Variants in ROR1 observed in about 807,000 individuals in gnomAD.
ROR1 encodes inactive tyrosine-protein kinase transmembrane receptor ROR1.
In ROR1, 19 loss-of-function variants were observed where a neutral mutation model predicts 78.8. The observed-to-expected ratio is 0.24, with a 90% CI of 0.17 to 0.35. The LOEUF (loss-of-function observed/expected upper bound fraction) is 0.35, where lower values mean the gene tolerates loss of function less well. Ranked by LOEUF, ROR1 falls within the 10% of genes least tolerant of loss-of-function variation. The pLI is 1.00. For missense variants in ROR1, 917 were observed against 1,177.8 expected (o/e 0.78, Z 3.24); for synonymous variants, 386 against 433.6 (o/e 0.89, Z 1.36).
At chr1:63,919,481 G>T (rs1158813489) in intron 1 of ROR1, among the ~76,000 whole-genome samples, 1 of 130,046 alleles carries the variant, frequency 7.7e-6, no homozygotes, top group Non-Finnish European at 1.6e-5. Context: ...AGTGTTCATT[G>T]AATTGGCTTT....
chr1:64,033,844 G>C (rs148046213), intron 2 of ROR1, among the ~76,000 whole-genome samples: 2 of 152,206 alleles, frequency 1.3e-5, no homozygotes, highest in Admixed American at 1.3e-4. Flanking sequence ...CCGTGTAACA[G>C]TCTGAAGCAA....
At chr1:63,821,124 C>T (rs930619270) in intron 1 of ROR1, among the ~76,000 whole-genome samples, 7 of 152,112 alleles carry the variant, frequency 4.6e-5, no homozygotes, top group African/African-American at 1.2e-4. Context: ...CTAGAACTAC[C>T]GTGAATTAAG....
At chr1:64,115,312 C>T (rs1419951084) in intron 4 of ROR1, among the ~76,000 whole-genome samples, 2 of 152,112 alleles carry the variant, frequency 1.3e-5, no homozygotes, top group South Asian at 2.1e-4. Context: ...AACTCCTGAG[C>T]TCAAGGGATC....
At chr1:64,097,804 T>C (rs1160737010) in intron 4 of ROR1, among the ~76,000 whole-genome samples, 2 of 152,120 alleles carry the variant, frequency 1.3e-5, no homozygotes, top group African/African-American at 2.4e-5. Context: ...AGCTGTCATG[T>C]TCCTCAAGCT....
At chr1:63,936,232 A>G (rs748299319) in intron 1 of ROR1, among the ~76,000 whole-genome samples, 10 of 152,198 alleles carry the variant, frequency 6.6e-5, no homozygotes, top group African/African-American at 1.2e-4. Context: ...AAGAAGATCT[A>G]TTGGTTCCAA....
intron 1 of ROR1, among the ~76,000 whole-genome samples, chr1:63,980,475 C>G (rs1457821761): frequency 2.0e-5 from 3 of 152,140 alleles, no homozygotes; most frequent in South Asian, 4.1e-4. Flanking sequence ...AAGAAATTCT[C>G]CAAACATCCT....
chr1:64,044,441 T>A (rs1646768564), intron 2 of ROR1, among the ~76,000 whole-genome samples: 1 of 152,068 alleles, frequency 6.6e-6, no homozygotes, highest in African/African-American at 2.4e-5. Flanking sequence ...ACCAAACTAG[T>A]GGTCACTGTA....
rs988949033 is a variant in ROR1, at chr1:64,143,438, A to G, written c.1174+788A>G. ...ATTTTGGAACTAATTCATCTTCCTG[A>G]TCCTAGTTCTCATAGATATCATAGA... On this transcript the variant is annotated intron_variant, in intron 7 of 8. Coordinates refer to ENST00000371079, the MANE Select transcript of ROR1 (RefSeq NM_005012.4). 1.9e-5 allele frequency: 19 copies of G among 977,198 alleles called. No individual in the cohort carries two copies. The African/African-American group carries it at 3.3e-4, about 17-fold the overall frequency. 60.5% of individuals were successfully genotyped at this position (977,198 alleles called of 1,614,324 possible).
intron 1 of ROR1, among the ~76,000 whole-genome samples, chr1:63,883,475 T>A (rs530088646): frequency 6.6e-6 from 1 of 152,216 alleles, no homozygotes; most frequent in Admixed American, 6.5e-5. Flanking sequence ...AGACACCCCA[T>A]AAAATATTTG....
chr1:63,877,166 T>C (rs1645292480), intron 1 of ROR1, among the ~76,000 whole-genome samples: 1 of 152,162 alleles, frequency 6.6e-6, no homozygotes, highest in Non-Finnish European at 1.5e-5. Context: ...GTTTTGTTCA[T>C]ATTCAGCTAC....
At chr1:64,153,237 C>A (rs985207564) in intron 7 of ROR1, among the ~76,000 whole-genome samples, 5 of 152,058 alleles carry the variant, frequency 3.3e-5, no homozygotes, top group Admixed American at 2.6e-4. Context: ...ATTTCACACC[C>A]ATTAGAATGC....
At chr1:64,140,577 G>A (rs989632199) in intron 6 of ROR1, 151 bp downstream of exon 6, 9 of 653,978 alleles carry the variant, frequency 1.4e-5, no homozygotes, top group East Asian at 5.5e-5. Flanking sequence ...ATTCAGTGGT[G>A]GATTAGACAT....
intron 1 of ROR1, among the ~76,000 whole-genome samples, chr1:63,868,500 T>G (rs1276697308): frequency 6.6e-6 from 1 of 152,212 alleles, no homozygotes; most frequent in Non-Finnish European, 1.5e-5. Flanking sequence ...TGAGCACATT[T>G]GGCTTTGGGC....
chr1:64,027,670 G>A (rs908587714), intron 2 of ROR1, among the ~76,000 whole-genome samples: 1 of 151,242 alleles, frequency 6.6e-6, no homozygotes, highest in Non-Finnish European at 1.5e-5. Flanking sequence ...CCAACTTTGT[G>A]TATGATATTA....
chr1:63,789,915 A>C (rs1644715576), intron 1 of ROR1, among the ~76,000 whole-genome samples: 1 of 152,050 alleles, frequency 6.6e-6, no homozygotes, highest in African/African-American at 2.4e-5. Flanking sequence ...GGCCCTCCCA[A>C]GCTGTCTACA....
At chr1:63,876,638 C>A (rs141209860) in intron 1 of ROR1, among the ~76,000 whole-genome samples, 2 of 143,794 alleles carry the variant, frequency 1.4e-5, no homozygotes, top group African/African-American at 5.3e-5. Context: ...TGTGTTTCCA[C>A]GAAAGGGGTG....
chr1:63,937,518 A>G (rs1306315581), intron 1 of ROR1, among the ~76,000 whole-genome samples: 1 of 152,030 alleles, frequency 6.6e-6, no homozygotes. Flanking sequence ...TTTTTTAATT[A>G]TATGGCTGAA....
intron 7 of ROR1, among the ~76,000 whole-genome samples, chr1:64,148,344 T>C (rs1371263533): frequency 6.6e-6 from 1 of 152,196 alleles, no homozygotes; most frequent in African/African-American, 2.4e-5. Flanking sequence ...TGTTTTTGTG[T>C]GTGTAAACAG....
intron 4 of ROR1, among the ~76,000 whole-genome samples, chr1:64,120,548 A>G (rs1648492786): frequency 6.6e-6 from 1 of 150,992 alleles, no homozygotes; most frequent in Admixed American, 6.6e-5. Context: ...TCCAGAGTGT[A>G]TTTTACACTT....
Sources: gnomAD v4.1 joint callset for allele counts (sites outside exome capture counted in the v4.1 genomes callset) on GRCh38, gnomAD v4.1.1 for gene constraint, MANE v1.5 for transcripts, NCBI Gene and HGNC (gene_info 2026-07-23, HGNC 2026-07-21) for gene names.